The following PCDH15 variants were observed in gnomAD, a reference collection of about 807,000 sequenced individuals.
PCDH15 encodes the protein protocadherin related 15.
In PCDH15, 129 loss-of-function variants were observed where a neutral mutation model predicts 178.5. That is an observed-to-expected ratio of 0.72 (90% confidence interval 0.63 to 0.84). The LOEUF is 0.84. PCDH15 is among the 40% of genes least tolerant of loss of function. The probability of loss-of-function intolerance (pLI) is 0.00; values close to 1 mark genes in which losing one functional copy is unlikely to be tolerated. For missense variants in PCDH15, 2,230 were observed against 2,099.9 expected (o/e 1.06, Z -1.21); for synonymous variants, 800 against 732.0 (o/e 1.09, Z -1.50).
intron 3 of PCDH15, among the ~76,000 whole-genome samples, chr10:54,836,209 A>G (rs1464645363): frequency 6.6e-6 from 1 of 152,202 alleles, no homozygotes; most frequent in Non-Finnish European, 1.5e-5. Context: ...ATTGAAGAAC[A>G]GAGTCTAACT....
chr10:53,923,035 C>T (rs1479908722), intron 25 of PCDH15, among the ~76,000 whole-genome samples: 2 of 151,954 alleles, frequency 1.3e-5, no homozygotes, highest in Non-Finnish European at 2.9e-5. Flanking sequence ...TGCAGTGAGC[C>T]AAGATCGTGC....
At chr10:54,042,524 T>C (rs1277888694) in intron 18 of PCDH15, among the ~76,000 whole-genome samples, 1 of 151,694 alleles carries the variant, frequency 6.6e-6, no homozygotes, top group Non-Finnish European at 1.5e-5. Flanking sequence ...ACACAGAGAG[T>C]TAGAGAAAGA....
intron 2 of PCDH15, among the ~76,000 whole-genome samples, chr10:55,382,011 C>T (rs1315932429): frequency 6.6e-6 from 1 of 152,138 alleles, no homozygotes; most frequent in African/African-American, 2.4e-5. Context: ...TTGTTTGAAT[C>T]TCTATATCCA....
At chr10:53,840,081 A>G (rs1473664226) in intron 29 of PCDH15, among the ~76,000 whole-genome samples, 1 of 152,146 alleles carries the variant, frequency 6.6e-6, no homozygotes, top group South Asian at 2.1e-4. Context: ...GTTCTTAAGT[A>G]CAAAAGGTCA....
At chr10:55,250,931 C>T (rs368175326) in intron 1 of PCDH15, among the ~76,000 whole-genome samples, 3 of 152,048 alleles carry the variant, frequency 2.0e-5, no homozygotes, top group Admixed American at 6.6e-5. Context: ...AAATAATGCT[C>T]GGTAGGAAGT....
chr10:54,512,061 T>G (rs1332275053), intron 3 of PCDH15, among the ~76,000 whole-genome samples: 1 of 152,116 alleles, frequency 6.6e-6, no homozygotes, highest in African/African-American at 2.4e-5. Context: ...GTGTTGTTAT[T>G]TATAATGTCA....
intron 3 of PCDH15, among the ~76,000 whole-genome samples, chr10:54,833,868 C>T (rs1953267203): frequency 6.6e-6 from 1 of 152,136 alleles, no homozygotes. Flanking sequence ...CTTTCCTCTT[C>T]AGTGTTTGAT....
At chr10:54,010,930 C>A (rs1357210582) in intron 20 of PCDH15, among the ~76,000 whole-genome samples, 1 of 152,168 alleles carries the variant, frequency 6.6e-6, no homozygotes, top group African/African-American at 2.4e-5. Context: ...AGCCACTCTG[C>A]CACTGCCACA....
At chr10:54,271,692 T>A (rs1436180961) in intron 8 of PCDH15, among the ~76,000 whole-genome samples, 2 of 152,144 alleles carry the variant, frequency 1.3e-5, no homozygotes, top group African/African-American at 2.4e-5. Flanking sequence ...AAGATACAGA[T>A]GAATAAAGTG....
chr10:54,016,360 C>T (rs1250931750), intron 20 of PCDH15, among the ~76,000 whole-genome samples: 1 of 151,976 alleles, frequency 6.6e-6, no homozygotes, highest in African/African-American at 2.4e-5. Flanking sequence ...TTTGACCCAG[C>T]AATCCCATTT....
At chr10:54,680,031 G>A (rs963521889) in intron 1 of PCDH15, among the ~76,000 whole-genome samples, 5 of 152,140 alleles carry the variant, frequency 3.3e-5, no homozygotes, top group East Asian at 1.9e-4. Flanking sequence ...ACTAATCAAA[G>A]CATTTATTAT....
At chr10:55,531,560 A>G (rs1841454882) in intron 2 of PCDH15, among the ~76,000 whole-genome samples, 1 of 152,034 alleles carries the variant, frequency 6.6e-6, no homozygotes, top group Non-Finnish European at 1.5e-5. Context: ...TATGGGCAAT[A>G]TGACTACCCT....
intron 2 of PCDH15, among the ~76,000 whole-genome samples, chr10:54,572,147 C>A (rs894871307): frequency 6.6e-6 from 1 of 152,052 alleles, no homozygotes. Flanking sequence ...AAATTTTACA[C>A]CTGCCTACAT....
chr10:54,156,087 A>G (rs1354902238), intron 13 of PCDH15, among the ~76,000 whole-genome samples: 1 of 152,236 alleles, frequency 6.6e-6, no homozygotes, highest in Admixed American at 6.5e-5. Context: ...AGATGAAAGT[A>G]AAAACAATAC....
chr10:55,149,225 A>G (rs1275232536), intron 2 of PCDH15, among the ~76,000 whole-genome samples: 2 of 147,090 alleles, frequency 1.4e-5, no homozygotes, highest in African/African-American at 5.0e-5. Context: ...CTTTCAATAA[A>G]TGCTTCTAAG....
intron 35 of PCDH15, among the ~76,000 whole-genome samples, chr10:53,814,357 T>A (rs982993734): frequency 2.1e-4 from 32 of 152,192 alleles, no homozygotes; most frequent in African/African-American, 7.7e-4. Context: ...GATTTTGGAT[T>A]TTAGAAGTCA....
intron 2 of PCDH15, among the ~76,000 whole-genome samples, chr10:55,064,724 T>C (rs10825454): frequency 0.49 from 74,249 of 151,870 alleles, 19,147 homozygotes; most frequent in East Asian, 0.74. Context: ...TTACGAGTTT[T>C]CATTTACTTC....
intron 5 of PCDH15, among the ~76,000 whole-genome samples, chr10:54,364,311 AT>A (rs1946494444): frequency 6.6e-6 from 1 of 151,824 alleles, no homozygotes; most frequent in Admixed American, 6.6e-5. Context: ...AGTTCTATAT[AT>A]AATAATGCCA....
chr10:55,482,359 T>C (rs1422675847), intron 2 of PCDH15, among the ~76,000 whole-genome samples: 2 of 151,840 alleles, frequency 1.3e-5, no homozygotes, highest in Admixed American at 6.6e-5. Context: ...GATCCATTCA[T>C]CATGATGTTA....
Sources: allele counts gnomAD v4.1 joint callset (sites outside exome capture counted in the v4.1 genomes callset), GRCh38; gene constraint gnomAD v4.1.1; transcripts MANE v1.5; gene names NCBI Gene and HGNC (gene_info 2026-07-23, HGNC 2026-07-21).